The following SLIT1 variants were observed in gnomAD, a reference collection of about 807,000 sequenced individuals.
The protein encoded by SLIT1 is slit homolog 1 protein.
A neutral mutation model predicts 186.1 loss-of-function variants in SLIT1; 66 were observed. That is an observed-to-expected ratio of 0.35 (90% CI 0.29 to 0.44). SLIT1 has a LOEUF of 0.44. Among genes scored for constraint, SLIT1 ranks in the 20% least tolerant of loss-of-function variants. SLIT1 has a pLI of 1.00. For missense variants in SLIT1, 1,638 were observed against 2,037.4 expected (o/e 0.80, Z 3.77); for synonymous variants, 761 against 833.8 (o/e 0.91, Z 1.50).
At chr10:97,003,381 T>TCA (rs1848329969) in intron 34 of SLIT1, among the ~76,000 whole-genome samples, 1 of 152,218 alleles carries the variant, frequency 6.6e-6, no homozygotes, top group Admixed American at 6.5e-5. Context: ...TGGCGCTAGG[T>TCA]CACTGCTTTT....
chr10:97,015,316 C>CT (rs367707046), intron 28 of SLIT1, among the ~76,000 whole-genome samples: 5 of 152,284 alleles, frequency 3.3e-5, no homozygotes, highest in African/African-American at 9.6e-5. Context: ...TAAATGCAAT[C>CT]TAAGTCAAGA....
At chr10:97,098,229 G>A (rs2134668231) in intron 4 of SLIT1, among the ~76,000 whole-genome samples, 1 of 152,354 alleles carries the variant, frequency 6.6e-6, no homozygotes, top group Middle Eastern at 3.4e-3. Flanking sequence ...GATGACCCGG[G>A]GGGCTAAGAG....
intron 21 of SLIT1, among the ~76,000 whole-genome samples, chr10:97,039,463 C>T (rs781725138): frequency 1.6e-4 from 25 of 152,134 alleles, no homozygotes; most frequent in African/African-American, 5.8e-4. Flanking sequence ...TCTTGGAAGA[C>T]CATCAGGCAA....
rs114702310 is a variant in SLIT1 at position 97,136,410 on chromosome 10, A to G, written c.413+21408T>C. ...CCACTCACTTGCATTGGCCTCTTCT[A>G]CAGTGTGAGTAGGTCACCAACAATG... On this transcript the variant is annotated intron_variant, in intron 4 of 36. Transcript: ENST00000266058. Among the ~76,000 whole-genome samples the G allele has an allele frequency of 3.8e-3, 581 of 152,352 alleles. 2 individuals carry two copies. Among genetic ancestry groups the G allele is most frequent in the African/African-American group, 0.011 (447 of 41,586 alleles).
chr10:97,065,920 C>G, intron 5 of SLIT1, 95 bp downstream of exon 5: 1 of 924,598 alleles, frequency 1.1e-6, no homozygotes, highest in Non-Finnish European at 1.7e-6. Context: ...CCCTGGCTGC[C>G]TGGACCACAC....
chr10:97,070,527 A>G (rs1281199304), intron 4 of SLIT1, among the ~76,000 whole-genome samples: 3 of 152,240 alleles, frequency 2.0e-5, no homozygotes, highest in Non-Finnish European at 2.9e-5. Flanking sequence ...CAAAAAAGGC[A>G]TAGGTTGAAA....
chr10:97,138,956 C>T (rs1849731158), intron 4 of SLIT1, among the ~76,000 whole-genome samples: 6 of 152,238 alleles, frequency 3.9e-5, no homozygotes, highest in Admixed American at 3.9e-4. Flanking sequence ...CAACCCGCAG[C>T]ACCACCAGTC....
intron 4 of SLIT1, among the ~76,000 whole-genome samples, chr10:97,091,840 C>T (rs1849235654): frequency 1.3e-5 from 2 of 152,170 alleles, no homozygotes; most frequent in Non-Finnish European, 2.9e-5. Flanking sequence ...CCTTGCAGTT[C>T]CCAAGTTGAA....
intron 4 of SLIT1, among the ~76,000 whole-genome samples, chr10:97,145,264 C>A (rs1384807172): frequency 6.6e-6 from 1 of 152,032 alleles, no homozygotes; most frequent in Non-Finnish European, 1.5e-5. Context: ...ACTACAGGCG[C>A]CTGCCATCAC....
At chr10:97,050,923 T>C (rs1324941662) in intron 13 of SLIT1, among the ~76,000 whole-genome samples, 2 of 152,120 alleles carry the variant, frequency 1.3e-5, no homozygotes, top group Non-Finnish European at 2.9e-5. Flanking sequence ...TTTATACAAA[T>C]TAGAATTTTT....
chr10:97,002,071 G>A, intron 36 of SLIT1, 87 bp downstream of exon 36: 1 of 866,250 alleles, frequency 1.2e-6, no homozygotes, highest in Non-Finnish European at 1.7e-6. Flanking sequence ...GGACAGAAGG[G>A]CTGCCGAGAC....
At chr10:97,109,798 G>A (rs1275268092) in intron 4 of SLIT1, among the ~76,000 whole-genome samples, 6 of 152,194 alleles carry the variant, frequency 3.9e-5, no homozygotes, top group Non-Finnish European at 5.9e-5. Flanking sequence ...AAACATCGCC[G>A]ACAAACCTCT....
In SLIT1 at chr10:97,185,568, G is replaced by T. The variant is rs747747367; in HGVS notation, c.107C>A (p.Ala36Asp). The change falls in exon 1 of 37, where the codon GCC becomes GAC. Residue 36 changes from alanine to aspartate, a missense_variant. Physicochemically the swap from Ala to Asp is moderately radical, Grantham distance 126 (BLOSUM62 -2). Coordinates refer to ENST00000266058, the MANE Select transcript of SLIT1 (RefSeq NM_003061.3). ...CGTGGTTCCGGTGCAGGTGCAGAGG[G>T]CGGGGCACGCCGAGGCACCCAGGCG... ...AWRLGASACP[A>D]LCTCTGTTVD... 1.2e-6 allele frequency: 2 copies of T among 1,608,826 alleles called. No homozygotes were observed. The highest frequency in any genetic ancestry group is 4.5e-5 in the East Asian group (2 of 44,724).
intron 4 of SLIT1, among the ~76,000 whole-genome samples, chr10:97,132,542 G>A (rs1308033111): frequency 6.6e-6 from 1 of 152,144 alleles, no homozygotes; most frequent in African/African-American, 2.4e-5. Context: ...TCCCATCCCA[G>A]GTTGCCAACC....
At chr10:97,148,173 C>T (rs572892913) in intron 4 of SLIT1, among the ~76,000 whole-genome samples, 1 of 152,292 alleles carries the variant, frequency 6.6e-6, no homozygotes, top group South Asian at 2.1e-4. Flanking sequence ...TAATAGCACC[C>T]ATTGCATAGG....
At chr10:97,143,962 C>T (rs1399994091) in intron 4 of SLIT1, among the ~76,000 whole-genome samples, 1 of 152,192 alleles carries the variant, frequency 6.6e-6, no homozygotes, top group Non-Finnish European at 1.5e-5. Flanking sequence ...CTTTGGGAGG[C>T]TGAGGTGGGC....
chr10:97,064,889 G>A lies in SLIT1; in HGVS notation c.486-13C>T, dbSNP rs1848929496. On this transcript the variant is annotated splice_polypyrimidine_tract_variant and intron_variant, in intron 5 of 36. Transcript: ENST00000266058. The stretch of plus-strand genomic sequence containing the variant: ...CTTGTCCAGCTGTCTGTGAAGCAAA[G>A]GAAGGTTGTAGAGAGAAGGGCACAT... 1.2e-6 allele frequency: 2 copies of A among 1,611,718 alleles called. No homozygotes were observed. The highest frequency in any genetic ancestry group is 2.2e-5 in the East Asian group (1 of 44,778).
intron 4 of SLIT1, 47 bp downstream of exon 4, chr10:97,157,771 G>C: frequency 1.4e-6 from 2 of 1,450,542 alleles, no homozygotes; most frequent in South Asian, 1.1e-5. Context: ...CACAGGGTGA[G>C]AGACAAAACC....
At chr10:97,059,430 C>T in intron 11 of SLIT1, 30 bp downstream of exon 11, 1 of 1,596,446 alleles carries the variant, frequency 6.3e-7, no homozygotes, top group East Asian at 2.2e-5. Context: ...TGCCCTGGGC[C>T]ACTGAGGAAG....
Sources: gnomAD v4.1 joint callset for allele counts (sites outside exome capture counted in the v4.1 genomes callset) on GRCh38, gnomAD v4.1.1 for gene constraint, MANE v1.5 for transcripts, NCBI Gene and HGNC (gene_info 2026-07-23, HGNC 2026-07-21) for gene names.